PARD3B: variants seen among roughly 807,000 people sequenced by gnomAD.
PARD3B encodes the protein par-3 family cell polarity regulator beta.
Under a neutral mutation model 130.2 loss-of-function variants are expected in PARD3B, and 103 were observed. The observed-to-expected ratio is 0.79, with a 90% CI of 0.67 to 0.93. The LOEUF (loss-of-function observed/expected upper bound fraction) is 0.93. Ranked by LOEUF, PARD3B falls within the 40% of genes least tolerant of loss-of-function variation. PARD3B has a pLI of 0.00. For missense variants in PARD3B, 1,609 were observed against 1,499.2 expected, an observed-to-expected ratio of 1.07 and a Z score of -1.21; for synonymous variants, 583 against 553.2, an observed-to-expected ratio of 1.05 and a Z score of -0.76.
intron 22 of PARD3B, among the ~76,000 whole-genome samples, chr2:205,559,908 A>G (rs73060172): frequency 0.028 from 4,206 of 152,200 alleles, 180 homozygotes; most frequent in African/African-American, 0.093. Context: ...CCAGATTTCT[A>G]AATAGTTCAT....
chr2:204,904,020 C>T (rs1263142781), intron 2 of PARD3B, among the ~76,000 whole-genome samples: 1 of 152,182 alleles, frequency 6.6e-6, no homozygotes, highest in Admixed American at 6.5e-5. Context: ...CTATACCACA[C>T]ATAAGAGTTT....
chr2:204,990,901 G>C (rs4675481), intron 3 of PARD3B, among the ~76,000 whole-genome samples: 143,990 of 152,240 alleles, frequency 0.95, 68,472 homozygotes, highest in East Asian at 1. Flanking sequence ...TATGGTGTGA[G>C]ATAGGGGTAC....
intron 15 of PARD3B, among the ~76,000 whole-genome samples, chr2:205,203,908 A>C (rs753923479): frequency 2.0e-5 from 3 of 152,174 alleles, no homozygotes; most frequent in Non-Finnish European, 2.9e-5. Context: ...TGCCGCAATA[A>C]ACATACGTGT....
At chr2:205,539,703 A>G (rs2052036764) in intron 21 of PARD3B, among the ~76,000 whole-genome samples, 1 of 152,138 alleles carries the variant, frequency 6.6e-6, no homozygotes, top group South Asian at 2.1e-4. Context: ...CCGGTTCTGA[A>G]GCTTTGATCA....
chr2:205,594,262 T>C (rs2054491813), intron 22 of PARD3B, among the ~76,000 whole-genome samples: 1 of 152,182 alleles, frequency 6.6e-6, no homozygotes, highest in South Asian at 2.1e-4. Context: ...CTATCCGAGG[T>C]CCCTTCTCAC....
At chr2:205,203,663 T>C (rs910392945) in intron 15 of PARD3B, among the ~76,000 whole-genome samples, 4 of 152,178 alleles carry the variant, frequency 2.6e-5, no homozygotes, top group Non-Finnish European at 5.9e-5. Context: ...CCATGTGTTC[T>C]CATTGTTCAA....
intron 2 of PARD3B, among the ~76,000 whole-genome samples, chr2:204,766,815 A>T (rs1559128671): frequency 6.6e-6 from 1 of 151,594 alleles, no homozygotes. Context: ...ATCAAAAAAA[A>T]AAAACAAAAG....
intron 18 of PARD3B, among the ~76,000 whole-genome samples, chr2:205,381,214 A>C (rs1373616334): frequency 1.6e-5 from 2 of 122,024 alleles, no homozygotes; most frequent in African/African-American, 3.5e-5. Flanking sequence ...TATATAAAGA[A>C]TATATATTAT....
intron 16 of PARD3B, among the ~76,000 whole-genome samples, chr2:205,294,456 G>C (rs918021262): frequency 1.2e-4 from 19 of 152,002 alleles, no homozygotes; most frequent in Middle Eastern, 3.2e-3. Context: ...ATAAAATTTT[G>C]ACTATTTGTT....
chr2:204,645,903 A>G (rs1316301969), intron 1 of PARD3B, among the ~76,000 whole-genome samples: 3 of 152,070 alleles, frequency 2.0e-5, no homozygotes, highest in Admixed American at 1.3e-4. Context: ...GGCTTACTCA[A>G]TGAATTTTGT....
chr2:205,005,678 A>G (rs1479775811), intron 3 of PARD3B, among the ~76,000 whole-genome samples: 1 of 152,230 alleles, frequency 6.6e-6, no homozygotes, highest in Non-Finnish European at 1.5e-5. Context: ...ATGTAGGTTT[A>G]AAAATACAAA....
intron 2 of PARD3B, among the ~76,000 whole-genome samples, chr2:204,895,278 ATG>A (rs1177226973): frequency 3.9e-5 from 6 of 152,138 alleles, no homozygotes; most frequent in Non-Finnish European, 7.4e-5. Flanking sequence ...CTAATTTGAA[ATG>A]TGTTTTGCAA....
At chr2:205,054,440 T>TATATAA (rs1559393415) in intron 4 of PARD3B, among the ~76,000 whole-genome samples, 1 of 42,974 alleles carries the variant, frequency 2.3e-5, no homozygotes, top group African/African-American at 8.9e-5. Flanking sequence ...ATATATATTT[T>TATATAA]TTTTTTTTTT....
chr2:205,037,065 C>T (rs899250698), intron 3 of PARD3B, among the ~76,000 whole-genome samples: 1 of 128,654 alleles, frequency 7.8e-6, no homozygotes, highest in Non-Finnish European at 1.7e-5. Context: ...ACATATGTAG[C>T]GGACTGTATA....
Position 205,397,165 on chromosome 2 carries a change from T to C in PARD3B, c.2631-3848T>C, listed in dbSNP as rs921374308. On this transcript the variant is annotated intron_variant, in intron 18 of 22. Coordinates refer to ENST00000406610, the MANE Select transcript of PARD3B (RefSeq NM_001302769.2). This position sits in a 1 kb window ranked among gnomAD's most constrained non-coding sequence, Gnocchi z 4.8. ...CTTAACAATGCGGGAGTTTTTGTTT[T>C]TGTTTTTAAGATTATTGTTTTATAA... Among the ~76,000 whole-genome samples the C allele has an allele frequency of 2.6e-5, 4 of 152,250 alleles. No individual in the cohort carries two copies. The highest frequency in any genetic ancestry group is 6.5e-5 in the Admixed American group (1 of 15,284).
intron 16 of PARD3B, among the ~76,000 whole-genome samples, chr2:205,277,493 G>A (rs2040996408): frequency 6.6e-6 from 1 of 152,160 alleles, no homozygotes. Context: ...ATAGAAATGA[G>A]AGATCTGGCA....
intron 2 of PARD3B, among the ~76,000 whole-genome samples, chr2:204,735,098 G>C (rs1400266331): frequency 1.3e-5 from 2 of 149,142 alleles, no homozygotes; most frequent in Non-Finnish European, 2.9e-5. Flanking sequence ...CCAGTCAAGT[G>C]GTTGTCAGTG....
At chr2:205,068,976 CAT>C (rs1350081749) in intron 4 of PARD3B, among the ~76,000 whole-genome samples, 2 of 151,898 alleles carry the variant, frequency 1.3e-5, no homozygotes, top group Non-Finnish European at 2.9e-5. Flanking sequence ...AACATGAAAA[CAT>C]GTCTCCTACT....
chr2:205,594,107 G>T (rs540675893), intron 22 of PARD3B, among the ~76,000 whole-genome samples: 13 of 152,294 alleles, frequency 8.5e-5, no homozygotes, highest in Non-Finnish European at 1.6e-4. Context: ...GTGGTTTCTG[G>T]CAGGGCCATG....
Sources: allele counts gnomAD v4.1 joint callset (sites outside exome capture counted in the v4.1 genomes callset), GRCh38; gene constraint gnomAD v4.1.1; non-coding constraint Gnocchi (gnomAD v3.1); transcripts MANE v1.5; gene names NCBI Gene and HGNC (gene_info 2026-07-23, HGNC 2026-07-21).